RNGTT: variants seen among roughly 807,000 people sequenced by gnomAD.
The protein encoded by RNGTT is mRNA-capping enzyme.
A neutral mutation model predicts 79.3 loss-of-function variants in RNGTT; 33 were observed. That is an observed-to-expected ratio of 0.42 (90% CI 0.32 to 0.56). RNGTT has a LOEUF of 0.56. Ranked by LOEUF, RNGTT falls within the 20% of genes least tolerant of loss-of-function variation. RNGTT has a pLI of 0.17. For synonymous variants in RNGTT, 222 were observed against 235.9 expected (o/e 0.94, Z 0.54); for missense variants, 497 against 739.1 (o/e 0.67, Z 3.80).
rs150897907 is a variant in RNGTT at position 88,773,781 on chromosome 6, T to C, written c.1339-3907A>G. On this transcript the variant is annotated intron_variant, in intron 12 of 15. Transcript: ENST00000369485. ...GTTTTCCACATGTAAAACTATGAAA[T>C]TGAATGCCTACCTCATACCATATAC... 4.8e-3 allele frequency among the ~76,000 whole-genome samples: 733 copies of C among 152,208 alleles called. 2 individuals carry two copies. Among genetic ancestry groups the C allele is most frequent in the African/African-American group, 0.017 (688 of 41,542 alleles).
At chr6:88,652,782 A>G (rs1359583354) in intron 14 of RNGTT, among the ~76,000 whole-genome samples, 1 of 152,204 alleles carries the variant, frequency 6.6e-6, no homozygotes, top group African/African-American at 2.4e-5. Context: ...TCCTAAATGC[A>G]TGAATTACAA....
intron 13 of RNGTT, chr6:88,714,531 C>T (rs1207247936): frequency 1.1e-5 from 1 of 92,148 alleles, no homozygotes; most frequent in Non-Finnish European, 1.9e-5. Flanking sequence ...CAAGCTCCGC[C>T]TCCCGGGTTC....
chr6:88,778,586 G>A (rs1419555687), intron 12 of RNGTT, among the ~76,000 whole-genome samples: 1 of 152,142 alleles, frequency 6.6e-6, no homozygotes, highest in African/African-American at 2.4e-5. Flanking sequence ...GAACTCCTGA[G>A]TTTAAGCAAT....
intron 11 of RNGTT, among the ~76,000 whole-genome samples, chr6:88,818,269 G>C (rs910532834): frequency 6.6e-6 from 1 of 152,006 alleles, no homozygotes; most frequent in African/African-American, 2.4e-5. Context: ...AAGACATTGG[G>C]TTAACCAGGA....
intron 12 of RNGTT, among the ~76,000 whole-genome samples, chr6:88,786,815 T>C (rs1779243198): frequency 6.6e-6 from 1 of 152,194 alleles, no homozygotes; most frequent in Non-Finnish European, 1.5e-5. Context: ...AACTCCTATG[T>C]TTAAATCCTA....
chr6:88,676,232 G>A (rs970500864), intron 14 of RNGTT, among the ~76,000 whole-genome samples: 29 of 152,158 alleles, frequency 1.9e-4, no homozygotes, highest in Admixed American at 1.9e-3. Flanking sequence ...GAATGGAAGA[G>A]TCCAGAAATA....
rs1772043188 is a variant in RNGTT, at chr6:88,612,001, C to T, written c.*718G>A. On this transcript the variant is annotated 3_prime_UTR_variant, in exon 16 of 16. Coordinates refer to ENST00000369485, the MANE Select transcript of RNGTT (RefSeq NM_003800.5). ...CCAAGTTCCATGAAGTAACTCAAAA[C>T]CACTGCCAGAATGGACACACTGGAT... The T allele has an allele frequency of 1.3e-5, 2 of 152,540 alleles. No homozygotes were observed. Among genetic ancestry groups the T allele is most frequent in the Admixed American group, 1.3e-4 (2 of 15,286 alleles). 9.4% of individuals were successfully genotyped at this position (152,540 alleles called of 1,614,324 possible).
intron 11 of RNGTT, among the ~76,000 whole-genome samples, chr6:88,823,923 T>C (rs1330672384): frequency 1.3e-5 from 2 of 152,142 alleles, no homozygotes; most frequent in Non-Finnish European, 2.9e-5. Flanking sequence ...TAAAATATCA[T>C]ATGTGGAAAT....
intron 13 of RNGTT, among the ~76,000 whole-genome samples, chr6:88,753,522 T>C (rs915911442): frequency 1.3e-5 from 2 of 151,532 alleles, no homozygotes; most frequent in Admixed American, 6.6e-5. Context: ...AAAAAAATTA[T>C]ATAAAACTAC....
chr6:88,794,063 T>C (rs1030376118), intron 12 of RNGTT, among the ~76,000 whole-genome samples: 7 of 152,202 alleles, frequency 4.6e-5, no homozygotes, highest in Admixed American at 2.6e-4. Flanking sequence ...CATATGACCA[T>C]AAGAGAATTT....
In RNGTT at chr6:88,802,453, T is replaced by C. The variant is rs540758411; in HGVS notation, c.1270-821A>G. ...GTATCTCTTTCACAGATTTTTATTA[T>C]TTTGAAGAACTCAACATGTATATCA... is the stretch of plus-strand genomic sequence containing the variant. On this transcript the variant is annotated intron_variant, in intron 11 of 15. Transcript: ENST00000369485. Among the ~76,000 whole-genome samples the C allele has an allele frequency of 5.9e-5, 9 of 152,356 alleles. No homozygotes were observed. In the South Asian group the frequency reaches 1.9e-3, roughly 32 times the overall value.
intron 11 of RNGTT, among the ~76,000 whole-genome samples, chr6:88,813,983 A>G (rs1437271233): frequency 6.6e-6 from 1 of 152,226 alleles, no homozygotes; most frequent in Non-Finnish European, 1.5e-5. Context: ...TATAAAATGA[A>G]TAACACAGTG....
intron 13 of RNGTT, among the ~76,000 whole-genome samples, chr6:88,752,011 C>T (rs1447886850): frequency 6.6e-6 from 1 of 151,958 alleles, no homozygotes; most frequent in Non-Finnish European, 1.5e-5. Context: ...TCTTCCATAC[C>T]CTCCCCCCAT....
At chr6:88,733,745 A>G (rs950762558) in intron 13 of RNGTT, among the ~76,000 whole-genome samples, 5 of 152,052 alleles carry the variant, frequency 3.3e-5, no homozygotes, top group Middle Eastern at 3.2e-3. Flanking sequence ...AAGAGTACAT[A>G]ACAAGAATCG....
intron 13 of RNGTT, among the ~76,000 whole-genome samples, chr6:88,688,033 G>A (rs564190951): frequency 2.8e-4 from 42 of 152,238 alleles, no homozygotes; most frequent in African/African-American, 9.9e-4. Flanking sequence ...GAAGGGGGAT[G>A]GGGACGAAAA....
intron 13 of RNGTT, among the ~76,000 whole-genome samples, chr6:88,704,392 C>T (rs1339308055): frequency 6.7e-6 from 1 of 149,994 alleles, no homozygotes; most frequent in Non-Finnish European, 1.5e-5. Context: ...ACAAGCCAAA[C>T]AATAAAAGGT....
intron 11 of RNGTT, among the ~76,000 whole-genome samples, chr6:88,815,146 G>A (rs2127874573): frequency 6.6e-6 from 1 of 152,264 alleles, no homozygotes; most frequent in South Asian, 2.1e-4. Flanking sequence ...CTTTTGGGAG[G>A]AGATAAAGAC....
chr6:88,667,607 G>C (rs773290950), intron 14 of RNGTT, among the ~76,000 whole-genome samples: 1 of 152,062 alleles, frequency 6.6e-6, no homozygotes, highest in African/African-American at 2.4e-5. Context: ...TATCCAACAC[G>C]AACTGAGAAA....
At chr6:88,825,009 C>A (rs1170348212) in intron 11 of RNGTT, among the ~76,000 whole-genome samples, 1 of 152,126 alleles carries the variant, frequency 6.6e-6, no homozygotes, top group Non-Finnish European at 1.5e-5. Flanking sequence ...TCCCAAAGAG[C>A]TGGGATTACA....
Sources: allele counts gnomAD v4.1 joint callset (sites outside exome capture counted in the v4.1 genomes callset), GRCh38; gene constraint gnomAD v4.1.1; transcripts MANE v1.5; gene names NCBI Gene and HGNC (gene_info 2026-07-23, HGNC 2026-07-21).